Variants in ADGRL4 observed in about 807,000 individuals in gnomAD.
The protein encoded by ADGRL4 is EGF, latrophilin and seven transmembrane domain containing 1.
A neutral mutation model predicts 74.8 loss-of-function variants in ADGRL4; 90 were observed. The ratio of observed to expected loss-of-function variants is 1.20; its 90% confidence interval spans 1.02 to 1.43. The LOEUF (loss-of-function observed/expected upper bound fraction) is 1.43. ADGRL4 is among the 40% of genes most tolerant of loss of function. The probability of loss-of-function intolerance (pLI) is 0.00; values close to 1 mark genes in which losing one functional copy is unlikely to be tolerated. For missense variants in ADGRL4, 881 were observed against 814.3 expected (o/e 1.08, Z -1.00); for synonymous variants, 311 against 279.2 (o/e 1.11, Z -1.14).
intron 10 of ADGRL4, among the ~76,000 whole-genome samples, chr1:78,919,336 T>C (rs909070020): frequency 3.9e-5 from 6 of 152,042 alleles, no homozygotes; most frequent in South Asian, 2.1e-4. Context: ...CCACTTCCCA[T>C]AGGCTGCTGC....
intron 12 of ADGRL4, among the ~76,000 whole-genome samples, chr1:78,895,034 A>T (rs1347634853): frequency 6.6e-6 from 1 of 152,004 alleles, no homozygotes; most frequent in Non-Finnish European, 1.5e-5. Context: ...GGTGATCCAA[A>T]TCTTGAAAGT....
chr1:78,950,882 C>T (rs1649709419), intron 2 of ADGRL4, among the ~76,000 whole-genome samples: 1 of 152,100 alleles, frequency 6.6e-6, no homozygotes, highest in Admixed American at 6.6e-5. Flanking sequence ...GAGGAACATT[C>T]TTGCAGGGTA....
intron 3 of ADGRL4, among the ~76,000 whole-genome samples, chr1:78,941,766 T>C (rs932019533): frequency 6.6e-6 from 1 of 152,188 alleles, no homozygotes; most frequent in African/African-American, 2.4e-5. Context: ...TGCAATCTCT[T>C]GCAGGTTCAA....
intron 12 of ADGRL4, among the ~76,000 whole-genome samples, chr1:78,898,722 A>T (rs1265242458): frequency 6.6e-6 from 1 of 152,122 alleles, no homozygotes; most frequent in African/African-American, 2.4e-5. Context: ...CAATATTTTA[A>T]ATTTAAAGTC....
chr1:78,990,610 T>A (rs960609748), intron 2 of ADGRL4, among the ~76,000 whole-genome samples: 18 of 151,950 alleles, frequency 1.2e-4, no homozygotes, highest in East Asian at 1.9e-4. Flanking sequence ...TTACTGAAAA[T>A]TTTTTTAATA....
intron 3 of ADGRL4, among the ~76,000 whole-genome samples, chr1:78,942,272 T>C (rs1280835433): frequency 6.6e-6 from 1 of 151,108 alleles, no homozygotes; most frequent in Non-Finnish European, 1.5e-5. Context: ...GAATAGTGCC[T>C]AGGATATAGT....
chr1:78,923,872 G>A (rs1649052323), intron 8 of ADGRL4, among the ~76,000 whole-genome samples: 1 of 151,792 alleles, frequency 6.6e-6, no homozygotes, highest in African/African-American at 2.4e-5. Flanking sequence ...AAGAGGAACA[G>A]AAAAAGAGAG....
intron 2 of ADGRL4, among the ~76,000 whole-genome samples, chr1:78,970,368 G>A (rs1221764893): frequency 6.6e-6 from 1 of 152,198 alleles, no homozygotes; most frequent in Non-Finnish European, 1.5e-5. Context: ...ATGGATAAAG[G>A]TCATGCTAGT....
chr1:78,932,409 GAC>G, intron 7 of ADGRL4, among the ~76,000 whole-genome samples: 1 of 151,444 alleles, frequency 6.6e-6, no homozygotes, highest in African/African-American at 2.5e-5. Context: ...AGATCTCTGG[GAC>G]ACAGTTAAAG....
chr1:78,956,038 C>T (rs986854519), intron 2 of ADGRL4, among the ~76,000 whole-genome samples: 1 of 152,122 alleles, frequency 6.6e-6, no homozygotes, highest in Admixed American at 6.6e-5. Flanking sequence ...TGGTATCCAA[C>T]AGCATATAGC....
Position 78,926,900 on chromosome 1 carries a change from A to G in ADGRL4, c.1069T>C (p.Leu357=). ...AAACAGCTTACCTTTCGATGACTTAATGTAAATGTTATTTTTTCAAGTTCA... is the reference window on the plus strand; with the variant it reads ...AAACAGCTTACCTTTCGATGACTTAGTGTAAATGTTATTTTTTCAAGTTCA... ...LYELEKITFT[L]SHRKVTDRYR... is the part of the protein sequence containing the mutation. The change falls in exon 8 of 15, where the codon TTA becomes CTA. Residue 357 remains leucine, a synonymous_variant. Coordinates refer to ENST00000370742, the MANE Select transcript of ADGRL4 (RefSeq NM_022159.4). The G allele has an allele frequency of 5.0e-6, 8 of 1,611,054 alleles. No homozygotes were observed. The highest frequency in any genetic ancestry group is 5.9e-6 in the Non-Finnish European group (7 of 1,178,026).
intron 2 of ADGRL4, among the ~76,000 whole-genome samples, chr1:78,994,170 A>G (rs918530185): frequency 9.9e-5 from 15 of 152,214 alleles, no homozygotes; most frequent in Non-Finnish European, 1.6e-4. Flanking sequence ...AAACAAAGAT[A>G]TTACAGAGCA....
intron 12 of ADGRL4, among the ~76,000 whole-genome samples, chr1:78,909,936 CATAAT>C (rs1648724390): frequency 6.6e-6 from 1 of 151,508 alleles, no homozygotes; most frequent in African/African-American, 2.4e-5. Context: ...AGCACATAGT[CATAAT>C]ATACATGATA....
At chr1:78,896,771 T>C (rs1268927278) in intron 12 of ADGRL4, among the ~76,000 whole-genome samples, 1 of 152,160 alleles carries the variant, frequency 6.6e-6, no homozygotes, top group African/African-American at 2.4e-5. Context: ...TGGCTTCCTA[T>C]GTCATTCAGA....
intron 7 of ADGRL4, among the ~76,000 whole-genome samples, chr1:78,931,576 A>G (rs1012440444): frequency 1.3e-5 from 2 of 151,380 alleles, no homozygotes; most frequent in African/African-American, 4.9e-5. Context: ...ATTCACACAT[A>G]ACAATACTAA....
At chr1:78,941,194 G>A (rs1649471750) in intron 3 of ADGRL4, among the ~76,000 whole-genome samples, 1 of 152,142 alleles carries the variant, frequency 6.6e-6, no homozygotes. Context: ...AAGTGACCTT[G>A]GGATATGGAG....
intron 2 of ADGRL4, among the ~76,000 whole-genome samples, chr1:78,976,551 T>C (rs945946993): frequency 1.3e-5 from 2 of 151,844 alleles, no homozygotes; most frequent in Non-Finnish European, 2.9e-5. Context: ...GAGCTACAGA[T>C]GGTTTTATAT....
At chr1:78,893,407 A>G (rs1009586987) in intron 12 of ADGRL4, among the ~76,000 whole-genome samples, 5 of 152,048 alleles carry the variant, frequency 3.3e-5, no homozygotes, top group East Asian at 3.9e-4. Context: ...CTAAAGATTG[A>G]TGAGTATCAT....
At chr1:78,940,377 A>G (rs1196051298) in intron 3 of ADGRL4, among the ~76,000 whole-genome samples, 1 of 152,172 alleles carries the variant, frequency 6.6e-6, no homozygotes, top group Non-Finnish European at 1.5e-5. Context: ...ATCATCATAA[A>G]TAAAGTAATA....
Sources: gnomAD v4.1 joint callset for allele counts (sites outside exome capture counted in the v4.1 genomes callset) on GRCh38, gnomAD v4.1.1 for gene constraint, MANE v1.5 for transcripts, NCBI Gene and HGNC (gene_info 2026-07-23, HGNC 2026-07-21) for gene names.